LINGO2: variants seen among roughly 807,000 people sequenced by gnomAD.
The protein encoded by LINGO2 is leucine-rich repeat and immunoglobulin-like domain-containing nogo receptor-interacting protein 2.
Under a neutral mutation model 30.6 loss-of-function variants are expected in LINGO2, and 14 were observed. That is an observed-to-expected ratio of 0.46 (90% CI 0.30 to 0.72). LINGO2 has a LOEUF of 0.72. Ranked by LOEUF, LINGO2 falls within the 30% of genes least tolerant of loss-of-function variation. The pLI is 0.07. For missense variants in LINGO2, 729 were observed against 751.7 expected, an observed-to-expected ratio of 0.97 and a Z score of 0.35; for synonymous variants, 317 against 288.5, an observed-to-expected ratio of 1.10 and a Z score of -1.00.
At chr9:27,951,904 A>C (rs1260460751) in intron 5 of LINGO2, among the ~76,000 whole-genome samples, 1 of 152,170 alleles carries the variant, frequency 6.6e-6, no homozygotes, top group Non-Finnish European at 1.5e-5. Context: ...ATGTAAACAA[A>C]TTTATGAATA....
At position 27,982,384 on chromosome 9, in the gene LINGO2, C is replaced by G. The variant is rs142738738; in HGVS notation, c.-36+29971G>C. Among the ~76,000 whole-genome samples the G allele has an allele frequency of 2.5e-3, 378 of 151,884 alleles. 2 individuals carry two copies. Among genetic ancestry groups the G allele is most frequent in the African/African-American group, 8.4e-3 (347 of 41,498 alleles). ...GTGAGATTTCCAAAAATGGGAGAAA[C>G]AGTTCAGTGTCAACACATATAGACA... On this transcript the variant is annotated intron_variant, in intron 5 of 5. Transcript: ENST00000379992.
At chr9:28,491,321 C>T (rs1385679481) in intron 1 of LINGO2, among the ~76,000 whole-genome samples, 1 of 152,214 alleles carries the variant, frequency 6.6e-6, no homozygotes, top group African/African-American at 2.4e-5. Context: ...ACTCCAATCC[C>T]TGTGTCTGTG....
chr9:28,034,790 T>C (rs1372354539), intron 4 of LINGO2, among the ~76,000 whole-genome samples: 2 of 152,264 alleles, frequency 1.3e-5, no homozygotes, highest in Non-Finnish European at 1.5e-5. Context: ...AATTTAAACT[T>C]ACTTCTTAAA....
intron 3 of LINGO2, among the ~76,000 whole-genome samples, chr9:28,367,064 A>C (rs1466693783): frequency 6.7e-6 from 1 of 149,558 alleles, no homozygotes; most frequent in Non-Finnish European, 1.5e-5. Flanking sequence ...ACACATATAC[A>C]TTTATCTTCT....
chr9:28,145,450 T>C (rs1212585632), intron 4 of LINGO2, among the ~76,000 whole-genome samples: 4 of 152,236 alleles, frequency 2.6e-5, no homozygotes, highest in Non-Finnish European at 5.9e-5. Context: ...CATCAAATTG[T>C]TTCCTCAAGA....
the LINGO2 span, chr9:27,942,572 T>C: frequency 6.6e-6 from 1 of 152,198 alleles, no homozygotes; most frequent in Non-Finnish European, 1.5e-5. Context: ...ACTTTTGTCA[T>C]TAGCATTAAT....
At chr9:28,073,260 T>C (rs958081677) in intron 4 of LINGO2, among the ~76,000 whole-genome samples, 1 of 152,112 alleles carries the variant, frequency 6.6e-6, no homozygotes, top group Non-Finnish European at 1.5e-5. Context: ...TTAGCTGCTG[T>C]CCTTCAAATT....
intron 1 of LINGO2, among the ~76,000 whole-genome samples, chr9:28,574,967 A>C (rs541102555): frequency 6.6e-6 from 1 of 152,206 alleles, no homozygotes; most frequent in East Asian, 1.9e-4. Context: ...ATGCTCATCA[A>C]TGGTGGACTG....
At chr9:28,559,780 A>G (rs2135544729) in intron 1 of LINGO2, among the ~76,000 whole-genome samples, 1 of 151,944 alleles carries the variant, frequency 6.6e-6, no homozygotes, top group South Asian at 2.1e-4. Flanking sequence ...CCAGTATTTA[A>G]GTTGTTTGGG....
the LINGO2 span, chr9:27,938,568 C>G: frequency 5.3e-5 from 8 of 152,288 alleles, no homozygotes; most frequent in Non-Finnish European, 1.2e-4. Flanking sequence ...TAGTACTTAA[C>G]TGTTCTGACT....
At chr9:27,996,626 TA>T (rs1204558170) in intron 5 of LINGO2, among the ~76,000 whole-genome samples, 2 of 152,040 alleles carry the variant, frequency 1.3e-5, no homozygotes, top group Admixed American at 6.6e-5. Flanking sequence ...AGAGGAGATT[TA>T]AAAAAAGGGG....
intron 1 of LINGO2, among the ~76,000 whole-genome samples, chr9:28,588,851 T>G (rs1020203819): frequency 1.3e-5 from 2 of 152,046 alleles, no homozygotes; most frequent in Non-Finnish European, 2.9e-5. Context: ...TCCCCACCCT[T>G]GGGACTCAAG....
exon 6 of LINGO2, chr9:27,949,371 G>C (rs749322030): frequency 6.2e-7 from 1 of 1,613,966 alleles, no homozygotes. Context: ...GTCTCCATCT[G>C]CACTGCATTC....
the LINGO2 span, among the ~76,000 whole-genome samples, chr9:28,761,627 TAAGAA>T: frequency 8.6e-5 from 13 of 151,936 alleles, no homozygotes; most frequent in African/African-American, 3.1e-4. Flanking sequence ...CAAAATAAAA[TAAGAA>T]AAGTGACATC....
At chr9:28,055,432 A>T (rs1031761643) in intron 4 of LINGO2, among the ~76,000 whole-genome samples, 2 of 152,154 alleles carry the variant, frequency 1.3e-5, no homozygotes, top group East Asian at 3.9e-4. Context: ...TCTGTTGGGT[A>T]TAAGGGCATT....
chr9:28,600,876 T>TTGATACCA (rs2135745003), intron 1 of LINGO2, among the ~76,000 whole-genome samples: 1 of 152,264 alleles, frequency 6.6e-6, no homozygotes, highest in East Asian at 1.9e-4. Flanking sequence ...AAAGAATATC[T>TTGATACCA]TGATACCATG....
chr9:28,699,042 AAAAACAAAAC>A, the LINGO2 span, among the ~76,000 whole-genome samples: 18 of 149,992 alleles, frequency 1.2e-4, no homozygotes, highest in East Asian at 4.0e-4. Context: ...ACCCTGCCTC[AAAAACAAAAC>A]AAAACAAAAC....
At chr9:28,050,656 G>GT (rs1298437561) in intron 4 of LINGO2, among the ~76,000 whole-genome samples, 1 of 150,844 alleles carries the variant, frequency 6.6e-6, no homozygotes, top group Non-Finnish European at 1.5e-5. Context: ...TCATAACACT[G>GT]TTAAATGTCT....
At position 28,361,062 on chromosome 9, in the gene LINGO2, C is replaced by T. The variant is rs555769597; in HGVS notation, c.-246+11774G>A. On this transcript the variant is annotated intron_variant, in intron 3 of 5. Coordinates refer to ENST00000379992, the Ensembl canonical transcript of LINGO2. Reference sequence around the variant, plus strand: ...TTTTAAACTGTGTGCCATTCAGCTCCGTCCAACCTGGGATGTGAATTATCT... The same window carrying T: ...TTTTAAACTGTGTGCCATTCAGCTCTGTCCAACCTGGGATGTGAATTATCT... 7.2e-5 allele frequency among the ~76,000 whole-genome samples: 11 copies of T among 152,288 alleles called. No homozygotes were observed. In the South Asian group the frequency reaches 2.1e-3, roughly 29 times the overall value.
Sources: gnomAD v4.1 joint callset for allele counts (sites outside exome capture counted in the v4.1 genomes callset) on GRCh38, gnomAD v4.1.1 for gene constraint, MANE v1.5 for transcripts, NCBI Gene and HGNC (gene_info 2026-07-23, HGNC 2026-07-21) for gene names.